Variants in DLGAP1 observed in about 807,000 individuals in gnomAD.
The protein encoded by DLGAP1 is DLG associated protein 1, also known as disks large-associated protein 1.
A neutral mutation model predicts 90.8 loss-of-function variants in DLGAP1; 11 were observed. The observed-to-expected ratio is 0.12, with a 90% CI of 0.08 to 0.20. The LOEUF (loss-of-function observed/expected upper bound fraction) is 0.20. Ranked by LOEUF, DLGAP1 falls within the 10% of genes least tolerant of loss-of-function variation. DLGAP1 has a pLI of 1.00. For synonymous variants in DLGAP1, 558 were observed against 540.7 expected, an observed-to-expected ratio of 1.03 and a Z score of -0.44; for missense variants, 1,050 against 1,333.8, an observed-to-expected ratio of 0.79 and a Z score of 3.31.
At chr18:3,978,354 C>A in intron 3 of DLGAP1, 1 of 343,244 alleles carries the variant, frequency 2.9e-6, no homozygotes, top group South Asian at 2.6e-5. Context: ...CCAGCATCAT[C>A]TCATTTAATT....
intron 9 of DLGAP1, among the ~76,000 whole-genome samples, chr18:3,559,875 C>T (rs2053976397): frequency 6.6e-6 from 1 of 151,844 alleles, no homozygotes; most frequent in Non-Finnish European, 1.5e-5. Flanking sequence ...CCTGCCTCGG[C>T]CTCCCAAAGT....
chr18:3,712,357 T>C, intron 7 of DLGAP1, among the ~76,000 whole-genome samples: 1 of 152,204 alleles, frequency 6.6e-6, no homozygotes, highest in East Asian at 1.9e-4. Flanking sequence ...GTCTCTGTCC[T>C]GACCCTCCCT....
chr18:3,571,381 A>T (rs2054774475), intron 8 of DLGAP1: 1 of 151,932 alleles, frequency 6.6e-6, no homozygotes, highest in Non-Finnish European at 1.5e-5. Context: ...AGGTCACCAT[A>T]CTGATGCTGA....
At chr18:3,550,147 C>T (rs1376176880) in intron 9 of DLGAP1, among the ~76,000 whole-genome samples, 1 of 151,864 alleles carries the variant, frequency 6.6e-6, no homozygotes, top group Non-Finnish European at 1.5e-5. Context: ...CTCCTGACCT[C>T]GTGATCCACC....
chr18:4,103,100 G>A (rs550920909), intron 2 of DLGAP1, among the ~76,000 whole-genome samples: 42 of 152,206 alleles, frequency 2.8e-4, no homozygotes, highest in Non-Finnish European at 5.3e-4. Context: ...GGCGGAGAAA[G>A]TGTTTCCATA....
chr18:4,305,608 A>G (rs998594892), intron 1 of DLGAP1, among the ~76,000 whole-genome samples: 7 of 152,038 alleles, frequency 4.6e-5, no homozygotes, highest in South Asian at 2.1e-4. Flanking sequence ...CGACCTTTAC[A>G]TGCATGCTGT....
At chr18:4,025,060 A>G (rs2074676982) in intron 2 of DLGAP1, among the ~76,000 whole-genome samples, 1 of 152,164 alleles carries the variant, frequency 6.6e-6, no homozygotes, top group Non-Finnish European at 1.5e-5. Flanking sequence ...CTTCTTGTGC[A>G]CTTATAAAGT....
chr18:3,563,712 G>A (rs1180983473), intron 9 of DLGAP1, among the ~76,000 whole-genome samples: 4 of 151,850 alleles, frequency 2.6e-5, no homozygotes, highest in African/African-American at 2.4e-5. Flanking sequence ...CTGGTGATCC[G>A]CCCACCTTGG....
At chr18:3,874,785 C>G (rs1001708908) in intron 4 of DLGAP1, 1 of 1,391,146 alleles carries the variant, frequency 7.2e-7, no homozygotes, top group African/African-American at 1.5e-5. Context: ...TGATTCTTGA[C>G]ATTTAAAAAT....
intron 1 of DLGAP1, among the ~76,000 whole-genome samples, chr18:4,401,009 T>C (rs189808677): frequency 1.3e-5 from 2 of 152,310 alleles, no homozygotes; most frequent in East Asian, 1.9e-4. Context: ...TTGGGTAGTT[T>C]AAAATATGTC....
At chr18:3,574,723 C>T (rs1364023194) in intron 8 of DLGAP1, among the ~76,000 whole-genome samples, 2 of 152,132 alleles carry the variant, frequency 1.3e-5, no homozygotes, top group African/African-American at 4.8e-5. Context: ...AAACTATCTC[C>T]TTAGTGTTCC....
chr18:3,996,372 G>C (rs1043759263), intron 3 of DLGAP1, among the ~76,000 whole-genome samples: 1 of 151,934 alleles, frequency 6.6e-6, no homozygotes, highest in Non-Finnish European at 1.5e-5. Context: ...TTTTAAAACT[G>C]ATTGATACTC....
chr18:4,308,013 C>T (rs2080306194), intron 1 of DLGAP1, among the ~76,000 whole-genome samples: 1 of 152,190 alleles, frequency 6.6e-6, no homozygotes, highest in African/African-American at 2.4e-5. Flanking sequence ...CCGTGCCCGG[C>T]CGAGGGTTTG....
chr18:3,956,450 G>A (rs748199459), intron 3 of DLGAP1, among the ~76,000 whole-genome samples: 16 of 151,738 alleles, frequency 1.1e-4, no homozygotes, highest in African/African-American at 1.7e-4. Flanking sequence ...CCGGGTTCAC[G>A]CCATTCTCCT....
At chr18:4,367,004 CAAAAAAAAAAAA>C (rs67286288) in intron 1 of DLGAP1, among the ~76,000 whole-genome samples, 2 of 60,742 alleles carry the variant, frequency 3.3e-5, no homozygotes, top group Admixed American at 2.8e-4. Flanking sequence ...CTGTCAATGG[CAAAAAAAAAAAA>C]AAAAAAAAAA....
At chr18:3,602,326 T>A (rs1200847171) in intron 7 of DLGAP1, among the ~76,000 whole-genome samples, 2 of 152,058 alleles carry the variant, frequency 1.3e-5, no homozygotes, top group African/African-American at 4.8e-5. Context: ...CCGGGCGCGG[T>A]GGCTCACGCC....
rs192962297 is a variant in DLGAP1 at position 3,976,757 on chromosome 18, G to A, written c.-73+28359C>T. 4.2e-3 allele frequency among the ~76,000 whole-genome samples: 644 copies of A among 152,170 alleles called. 3 individuals carry two copies. Among genetic ancestry groups the A allele is most frequent in the African/African-American group, 0.015 (623 of 41,514 alleles). ...AGTTAAAGGCATGAATCTATTTTTA[G>A]CATTTAATATACAAGACAAATTGAT... On this transcript the variant is annotated intron_variant, in intron 3 of 12. Coordinates refer to ENST00000315677, the MANE Select transcript of DLGAP1 (RefSeq NM_004746.4).
chr18:4,000,305 C>T (rs2074156431), intron 3 of DLGAP1, among the ~76,000 whole-genome samples: 2 of 152,130 alleles, frequency 1.3e-5, no homozygotes, highest in African/African-American at 2.4e-5. Flanking sequence ...TGTTCCCTGG[C>T]ATCTATTTTC....
chr18:4,014,773 C>T (rs1380106441), intron 2 of DLGAP1, among the ~76,000 whole-genome samples: 2 of 152,154 alleles, frequency 1.3e-5, no homozygotes, highest in Non-Finnish European at 2.9e-5. Context: ...GGACAAGCAC[C>T]TGTTCAACAC....
Sources: gnomAD v4.1 joint callset for allele counts (sites outside exome capture counted in the v4.1 genomes callset) on GRCh38, gnomAD v4.1.1 for gene constraint, MANE v1.5 for transcripts, NCBI Gene and HGNC (gene_info 2026-07-23, HGNC 2026-07-21) for gene names.